Variants in AOX1 observed in about 807,000 individuals in gnomAD.
AOX1 encodes the protein aldehyde oxidase 1.
Under a neutral mutation model 169.5 loss-of-function variants are expected in AOX1, and 153 were observed. That is an observed-to-expected ratio of 0.90 (90% confidence interval 0.79 to 1.03). The LOEUF is 1.03. AOX1 is among the 50% of genes least tolerant of loss of function. The pLI is 0.00. For missense variants in AOX1, 1,656 were observed against 1,663.9 expected, an observed-to-expected ratio of 1.00 and a Z score of 0.08; for synonymous variants, 562 against 581.9, an observed-to-expected ratio of 0.97 and a Z score of 0.49.
chr2:200,620,218 T>G (rs1440006115), intron 16 of AOX1, among the ~76,000 whole-genome samples: 1 of 122,708 alleles, frequency 8.1e-6, no homozygotes, highest in Non-Finnish European at 1.7e-5. Flanking sequence ...TTTTTTTTTT[T>G]GATGGCGTCT....
At chr2:200,588,429 C>T (rs1168006388) in intron 1 of AOX1, among the ~76,000 whole-genome samples, 14 of 152,154 alleles carry the variant, frequency 9.2e-5, no homozygotes, top group Admixed American at 9.2e-4. Flanking sequence ...CCTTCCCCCA[C>T]TTCCAAACAA....
intron 25 of AOX1, among the ~76,000 whole-genome samples, chr2:200,650,177 A>G (rs1393179493): frequency 6.6e-6 from 1 of 152,196 alleles, no homozygotes; most frequent in African/African-American, 2.4e-5. Flanking sequence ...TGGTAGCACT[A>G]AGGAGGAGAA....
At chr2:200,657,190 A>ATATATATATATATATATATATATATATTT in intron 27 of AOX1, among the ~76,000 whole-genome samples, 9 of 62,876 alleles carry the variant, frequency 1.4e-4, no homozygotes, top group Non-Finnish European at 1.8e-4. Context: ...ATATATATAT[A>ATATATATATATATATATATATATATATTT]TTTTTTTTTT....
At chr2:200,595,908 C>A (rs1047822663) in intron 3 of AOX1, among the ~76,000 whole-genome samples, 5 of 152,184 alleles carry the variant, frequency 3.3e-5, no homozygotes, top group Admixed American at 6.5e-5. Context: ...TCAAGTCATT[C>A]CCGTACTTAT....
At chr2:200,674,411 A>T (rs1203508418), downstream of AOX1, among the ~76,000 whole-genome samples, 2 of 149,524 alleles carry the variant, frequency 1.3e-5, no homozygotes, top group Admixed American at 1.3e-4. Context: ...TGGTTTGGCC[A>T]GCTGGTCAAG....
At chr2:200,605,665 C>A in intron 10 of AOX1, 37 bp downstream of exon 10, 4 of 1,065,752 alleles carry the variant, frequency 3.8e-6, no homozygotes, top group Non-Finnish European at 2.7e-6. Flanking sequence ...AGTTAAGATG[C>A]ATTAATCAAT....
At chr2:200,625,049 T>C (rs2034972248) in intron 19 of AOX1, among the ~76,000 whole-genome samples, 1 of 151,658 alleles carries the variant, frequency 6.6e-6, no homozygotes, top group South Asian at 2.1e-4. Flanking sequence ...GAACATGGAG[T>C]TTGTCTCTGG....
chr2:200,670,513 C>T lies in AOX1; in HGVS notation c.3967-116C>T. The T allele has an allele frequency of 7.6e-6, 6 of 785,456 alleles. No homozygotes were observed. In the South Asian group the frequency reaches 7.8e-5, roughly 10 times the overall value. 48.7% of individuals were successfully genotyped at this position (785,456 alleles called of 1,614,324 possible). ...ACTTCACAGGCTGTTGTTCCCTGAC[C>T]TGTCATGGCCCTGGTTGCCCTCTGC... is the stretch of plus-strand genomic sequence containing the variant. On this transcript the variant is annotated intron_variant, in intron 34 of 34. Coordinates refer to ENST00000374700, the MANE Select transcript of AOX1 (RefSeq NM_001159.4).
In AOX1 at chr2:200,657,165, A is replaced by AATAT. The variant is rs1553578034; in HGVS notation, c.3171+251_3171+254dup. On this transcript the variant is annotated intron_variant, in intron 27 of 34. Coordinates refer to ENST00000374700, the MANE Select transcript of AOX1 (RefSeq NM_001159.4). ...ATAGGGAGATTCCATCTCTACCAAA[A>AATAT]ATATATATATATATATATATATATA... Among the ~76,000 whole-genome samples the AATAT allele has an allele frequency of 9.5e-3, 840 of 88,308 alleles. 10 individuals are homozygous for AATAT. Among genetic ancestry groups the AATAT allele is most frequent in the South Asian group, 0.023 (59 of 2,514 alleles). The allele number at this position is 88,308 out of a possible 152,430, so 57.9% of individuals were successfully genotyped here. A position where few individuals can be genotyped will look rare whatever the true frequency, so the allele number is the denominator to read the frequency against.
chr2:200,652,376 G>T (rs1193304206), intron 26 of AOX1, among the ~76,000 whole-genome samples: 1 of 152,214 alleles, frequency 6.6e-6, no homozygotes, highest in Admixed American at 6.5e-5. Context: ...GTAGTCATCT[G>T]CATGCAGTTT....
rs773407831 is a variant in AOX1, at chr2:200,620,700, G to A, written c.1755G>A (p.Met585Ile). 12 of 1,584,112 alleles carry A rather than the reference G, an allele frequency of 7.6e-6. No homozygotes were observed. The highest frequency in any genetic ancestry group is 1.0e-5 in the Non-Finnish European group (12 of 1,170,694). ...HPEDPIGHPI[M>I]HLSGVKHATG... Reference sequence around the variant, plus strand: ...AAGACCCAATTGGCCACCCCATCATGCATCTGTCTGGTGTGAAGCATGCCA... The same window carrying A: ...AAGACCCAATTGGCCACCCCATCATACATCTGTCTGGTGTGAAGCATGCCA... The change falls in exon 17 of 35, where the codon ATG becomes ATA. Residue 585 changes from methionine to isoleucine, a missense_variant. Transcript: ENST00000374700.
chr2:200,648,132 C>T (rs192156930), intron 25 of AOX1, among the ~76,000 whole-genome samples: 77 of 152,150 alleles, frequency 5.1e-4, no homozygotes, highest in Admixed American at 1.0e-3. Flanking sequence ...TGCTGGTGAA[C>T]TAGTGTGATT....
At chr2:200,681,736 C>A (rs1259195262), downstream of AOX1, among the ~76,000 whole-genome samples, 1 of 152,120 alleles carries the variant, frequency 6.6e-6, no homozygotes, top group Non-Finnish European at 1.5e-5. Flanking sequence ...ATTCTTGGCA[C>A]CATATCAGTT....
chr2:200,679,843 A>G (rs1366842317), downstream of AOX1, among the ~76,000 whole-genome samples: 2 of 152,180 alleles, frequency 1.3e-5, no homozygotes, highest in African/African-American at 4.8e-5. Flanking sequence ...GCACTTTGGG[A>G]GGCCGAGGTG....
intron 9 of AOX1, 32 bp from the exon 10 acceptor site, chr2:200,605,504 T>C: frequency 8.8e-7 from 1 of 1,141,678 alleles, no homozygotes; most frequent in Non-Finnish European, 1.2e-6. Flanking sequence ...TATTCTAGTC[T>C]TATTGATTTT....
chr2:200,589,707 A>G (rs1413601741), intron 1 of AOX1, among the ~76,000 whole-genome samples: 1 of 152,196 alleles, frequency 6.6e-6, no homozygotes, highest in Non-Finnish European at 1.5e-5. Context: ...TCATTAGCAG[A>G]GCCAGAACCT....
intron 1 of AOX1, among the ~76,000 whole-genome samples, chr2:200,589,101 T>G (rs2034114009): frequency 1.3e-5 from 2 of 152,172 alleles, no homozygotes; most frequent in African/African-American, 4.8e-5. Context: ...GTGAAGCCAC[T>G]TAGGAGAAAA....
chr2:200,651,269 G>A (rs80217116), intron 26 of AOX1, 68 bp downstream of exon 26: 22,335 of 1,396,556 alleles, frequency 0.016, 357 homozygotes, highest in African/African-American at 0.069. Context: ...AGGTGTTGAG[G>A]AAACTTCTCC....
At chr2:200,657,187 T>TAA (rs2035710380) in intron 27 of AOX1, among the ~76,000 whole-genome samples, 1 of 70,514 alleles carries the variant, frequency 1.4e-5, no homozygotes, top group African/African-American at 4.6e-5. Context: ...TATATATATA[T>TAA]ATATTTTTTT....
Sources: gnomAD v4.1 joint callset for allele counts (sites outside exome capture counted in the v4.1 genomes callset) on GRCh38, gnomAD v4.1.1 for gene constraint, MANE v1.5 for transcripts, NCBI Gene and HGNC (gene_info 2026-07-23, HGNC 2026-07-21) for gene names.